The following ARAP2 variants were observed in gnomAD, a reference collection of about 807,000 sequenced individuals.
ARAP2 encodes the protein arf-GAP with Rho-GAP domain, ANK repeat and PH domain-containing protein 2.
Under a neutral mutation model 194.5 loss-of-function variants are expected in ARAP2, and 148 were observed. That is an observed-to-expected ratio of 0.76 (90% CI 0.67 to 0.87). The LOEUF (loss-of-function observed/expected upper bound fraction) is 0.87. Among genes scored for constraint, ARAP2 ranks in the 40% least tolerant of loss-of-function variants. The pLI is 0.00. For missense variants in ARAP2, 2,128 were observed against 1,989.7 expected (o/e 1.07, Z -1.32); for synonymous variants, 695 against 683.5 (o/e 1.02, Z -0.26).
intron 7 of ARAP2, 82 bp downstream of exon 7, chr4:36,193,496 T>C: frequency 2.4e-6 from 2 of 833,750 alleles, no homozygotes; most frequent in Middle Eastern, 4.6e-4. Flanking sequence ...CTACCTCCTA[T>C]TCTTAAAAAC....
At chr4:36,016,808 T>C (rs191895538) in intron 6 of ARAP2, among the ~76,000 whole-genome samples, 21 of 152,306 alleles carry the variant, frequency 1.4e-4, no homozygotes, top group Non-Finnish European at 1.5e-4. Flanking sequence ...TTGAATGACT[T>C]GGATGCTCCT....
At chr4:36,159,260 A>G (rs1003684163) in intron 14 of ARAP2, 71 bp downstream of exon 14, 7 of 1,333,126 alleles carry the variant, frequency 5.3e-6, no homozygotes, top group African/African-American at 1.5e-5. Context: ...TGAAAAATCA[A>G]TAGATTTATG....
At position 36,014,101 on chromosome 4, in the gene ARAP2, G is replaced by A. The variant is rs946039971; in HGVS notation, n.1057-1270C>T. On this transcript the variant is annotated intron_variant and non_coding_transcript_variant, in intron 8 of 12. Transcript: ENST00000503225. ...AAATGAGCTGAGCATGGTGGTGAGTGCCTGTAGTGCCAGCTACTTGGGGGA... is the reference window on the plus strand; with the variant it reads ...AAATGAGCTGAGCATGGTGGTGAGTACCTGTAGTGCCAGCTACTTGGGGGA... 5.3e-5 allele frequency among the ~76,000 whole-genome samples: 8 copies of A among 151,472 alleles called. No individual in the cohort carries two copies. The South Asian group carries it at 8.3e-4, about 16-fold the overall frequency.
At chr4:36,099,237 T>C (rs1238573893) in intron 27 of ARAP2, among the ~76,000 whole-genome samples, 1 of 152,128 alleles carries the variant, frequency 6.6e-6, no homozygotes, top group Non-Finnish European at 1.5e-5. Context: ...ATGATCTCAT[T>C]CCTTTTTATA....
intron 27 of ARAP2, 88 bp downstream of exon 27, chr4:36,107,477 A>G (rs1718710975): frequency 7.2e-7 from 1 of 1,382,670 alleles, no homozygotes; most frequent in Non-Finnish European, 9.7e-7. Flanking sequence ...CGTTTTTCAC[A>G]TTTTCAAATA....
At chr4:36,141,636 T>C (rs1214138291) in intron 19 of ARAP2, among the ~76,000 whole-genome samples, 1 of 151,676 alleles carries the variant, frequency 6.6e-6, no homozygotes, top group East Asian at 1.9e-4. Flanking sequence ...GAAACATTAA[T>C]GTAGTTTAGC....
intron 28 of ARAP2, among the ~76,000 whole-genome samples, chr4:36,087,615 T>C (rs955943688): frequency 6.6e-5 from 10 of 152,242 alleles, no homozygotes; most frequent in African/African-American, 2.4e-4. Flanking sequence ...ACAAAAACAA[T>C]GCATCTGTAA....
intron 9 of ARAP2, among the ~76,000 whole-genome samples, chr4:36,177,417 T>C (rs1738202919): frequency 6.6e-6 from 1 of 152,178 alleles, no homozygotes; most frequent in Non-Finnish European, 1.5e-5. Context: ...ATATGTTACC[T>C]GTGCTTACCC....
At chr4:36,084,408 T>C (rs1358916828) in intron 28 of ARAP2, among the ~76,000 whole-genome samples, 1 of 152,146 alleles carries the variant, frequency 6.6e-6, no homozygotes, top group African/African-American at 2.4e-5. Context: ...ATAAAGGCTA[T>C]ATATATCTTC....
intron 2 of ARAP2, among the ~76,000 whole-genome samples, chr4:36,224,287 T>C (rs1197659609): frequency 1.5e-5 from 2 of 136,534 alleles, no homozygotes; most frequent in African/African-American, 5.8e-5. Flanking sequence ...CTATGGGTCA[T>C]TCTAGAGTGA....
At chr4:36,070,106 C>G (rs1490174361) in intron 32 of ARAP2, among the ~76,000 whole-genome samples, 2 of 152,098 alleles carry the variant, frequency 1.3e-5, no homozygotes, top group Non-Finnish European at 2.9e-5. Flanking sequence ...ATTACCCAGT[C>G]TCAGACATTT....
Position 36,071,947 on chromosome 4 carries a change from G to A in ARAP2, c.4743+1742C>T, listed in dbSNP as rs542683893. ...TTCCCACCTATGAGTGAGAATATGCGGTGTTTGGTTTTTTGTTCTTGAAAT... is the reference window on the plus strand; with the variant it reads ...TTCCCACCTATGAGTGAGAATATGCAGTGTTTGGTTTTTTGTTCTTGAAAT... On this transcript the variant is annotated intron_variant, in intron 32 of 32. Coordinates refer to ENST00000303965, the MANE Select transcript of ARAP2 (RefSeq NM_015230.4). Among the ~76,000 whole-genome samples the A allele has an allele frequency of 4.6e-4, 69 of 150,716 alleles. 1 individual carries two copies. The highest frequency in any genetic ancestry group is 4.0e-3 in the Admixed American group (61 of 15,126).
At chr4:36,079,378 C>G (rs936577487) in intron 31 of ARAP2, among the ~76,000 whole-genome samples, 7 of 152,056 alleles carry the variant, frequency 4.6e-5, no homozygotes, top group African/African-American at 1.7e-4. Flanking sequence ...AAACTATTTT[C>G]AGAACAAATA....
chr4:36,151,139 G>T, intron 15 of ARAP2, 95 bp from the exon 16 acceptor site: 1 of 1,074,528 alleles, frequency 9.3e-7, no homozygotes, highest in Non-Finnish European at 1.3e-6. Flanking sequence ...CTGGATGCAA[G>T]TAAATAAATT....
chr4:36,072,306 CTTGTAAACACTTTATAGT>C (rs1727174174), intron 32 of ARAP2, among the ~76,000 whole-genome samples: 2 of 152,008 alleles, frequency 1.3e-5, no homozygotes, highest in South Asian at 4.1e-4. Context: ...CTTTTAAAAG[CTTGTAAACACTTTATAGT>C]TTCAGTTCTT....
intron 8 of ARAP2, among the ~76,000 whole-genome samples, chr4:36,014,294 AAAGAAGAGAAGGAAG>A (rs1560264497): frequency 1.2e-4 from 16 of 137,428 alleles, no homozygotes; most frequent in Non-Finnish European, 2.0e-4. Context: ...AGAAAGAAAG[AAAGAAGAGAAGGAAG>A]GAAAGAAAGA....
At chr4:36,100,331 G>A (rs114963113) in intron 27 of ARAP2, among the ~76,000 whole-genome samples, 9 of 151,770 alleles carry the variant, frequency 5.9e-5, no homozygotes, top group African/African-American at 1.4e-4. Context: ...TCTATTTTTC[G>A]TGGTCTGCAT....
At chr4:36,032,984 C>T (rs1426254644) in intron 5 of ARAP2, among the ~76,000 whole-genome samples, 1 of 134,630 alleles carries the variant, frequency 7.4e-6, no homozygotes. Flanking sequence ...GCTCCATCCA[C>T]ATTCCTGTAA....
At chr4:36,032,475 C>T (rs1413063421) in intron 5 of ARAP2, among the ~76,000 whole-genome samples, 2 of 152,008 alleles carry the variant, frequency 1.3e-5, no homozygotes, top group Non-Finnish European at 2.9e-5. Context: ...AAACTAAATG[C>T]TATAGGTAAA....
Sources: gnomAD v4.1 joint callset for allele counts (sites outside exome capture counted in the v4.1 genomes callset) on GRCh38, gnomAD v4.1.1 for gene constraint, MANE v1.5 for transcripts, NCBI Gene and HGNC (gene_info 2026-07-23, HGNC 2026-07-21) for gene names.